Variants in UBR3 observed in about 807,000 individuals in gnomAD.
The protein encoded by UBR3 is E3 ubiquitin-protein ligase UBR3.
UBR3 carries 85 observed loss-of-function variants against 243.2 expected under a neutral mutation model. The ratio of observed to expected loss-of-function variants is 0.35; its 90% CI spans 0.29 to 0.42. The LOEUF is 0.42. Ranked by LOEUF, UBR3 falls within the 10% of genes least tolerant of loss-of-function variation. The probability of loss-of-function intolerance (pLI) is 1.00; values close to 1 mark genes in which losing one functional copy is unlikely to be tolerated. For missense variants in UBR3, 1,686 were observed against 2,300.8 expected, an observed-to-expected ratio of 0.73 and a Z score of 5.47; for synonymous variants, 748 against 799.8, an observed-to-expected ratio of 0.94 and a Z score of 1.09.
chr2:169,860,883 C>T (rs950325267), intron 1 of UBR3, among the ~76,000 whole-genome samples: 16 of 152,116 alleles, frequency 1.1e-4, no homozygotes, highest in Non-Finnish European at 2.1e-4. Context: ...CCCAAAACCT[C>T]GAAAGTAGAG....
rs775159008 is a variant in UBR3, at chr2:169,923,939, A to G, written c.1877A>G (p.Asn626Ser). Residue 626 changes from asparagine to serine, a missense_variant, in exon 12 of 39, where the codon AAC (asparagine) becomes AGC (serine). Transcript: ENST00000272793. ...GTTTGTTTATTCCAGCCAGCACCTA[A>G]CCAAGTCACTTTTCATCTGCCACTA... ...AINFVDEPAP[N>S]QVTFHLPLHR... The G allele has an allele frequency of 1.9e-6, 3 of 1,546,726 alleles. No individual in the cohort carries two copies. Among genetic ancestry groups the G allele is most frequent in the South Asian group, 1.2e-5 (1 of 82,416 alleles).
intron 24 of UBR3, among the ~76,000 whole-genome samples, chr2:169,970,235 G>GTTTTTTTT (rs531832498): frequency 2.3e-5 from 2 of 85,576 alleles, no homozygotes; most frequent in Non-Finnish European, 4.6e-5. Flanking sequence ...TTGTTCCTAG[G>GTTTTTTTT]TTTTTTTTTT....
At chr2:169,936,990 A>T (rs1437598043) in intron 19 of UBR3, among the ~76,000 whole-genome samples, 1 of 152,182 alleles carries the variant, frequency 6.6e-6, no homozygotes, top group Non-Finnish European at 1.5e-5. Flanking sequence ...ATACATGTGC[A>T]TGTGTCTTTA....
intron 26 of UBR3, 133 bp downstream of exon 26, chr2:169,994,589 G>A (rs2089414232): frequency 3.1e-6 from 3 of 954,148 alleles, no homozygotes; most frequent in South Asian, 1.8e-5. Context: ...AAATTAATAT[G>A]TGGATAGAAA....
intron 23 of UBR3, among the ~76,000 whole-genome samples, chr2:169,951,248 A>C (rs1456844968): frequency 6.6e-6 from 1 of 152,220 alleles, no homozygotes; most frequent in African/African-American, 2.4e-5. Flanking sequence ...TACATTATTT[A>C]GCAGTTTGAA....
At chr2:169,882,391 T>A (rs941722636) in intron 5 of UBR3, among the ~76,000 whole-genome samples, 17 of 141,974 alleles carry the variant, frequency 1.2e-4, no homozygotes, top group South Asian at 2.1e-4. Flanking sequence ...TATATAAAAA[T>A]ATATATATAT....
At chr2:169,893,720 C>T (rs775972730) in intron 6 of UBR3, among the ~76,000 whole-genome samples, 12 of 152,082 alleles carry the variant, frequency 7.9e-5, no homozygotes, top group Non-Finnish European at 1.8e-4. Context: ...TGCCACCCCA[C>T]CTGGCTGATT....
At chr2:169,848,437 T>G (rs1206923357) in intron 1 of UBR3, among the ~76,000 whole-genome samples, 1 of 151,700 alleles carries the variant, frequency 6.6e-6, no homozygotes, top group African/African-American at 2.4e-5. Context: ...ACAAATTACT[T>G]AGATGTTTAA....
At chr2:169,905,618 A>G (rs1017344353) in intron 9 of UBR3, among the ~76,000 whole-genome samples, 49 of 152,112 alleles carry the variant, frequency 3.2e-4, no homozygotes, top group African/African-American at 1.0e-3. Context: ...CAACCAATCC[A>G]TTTGCTTCAG....
intron 25 of UBR3, among the ~76,000 whole-genome samples, chr2:169,993,851 G>T (rs2105394001): frequency 6.6e-6 from 1 of 152,162 alleles, no homozygotes; most frequent in Non-Finnish European, 1.5e-5. Flanking sequence ...CAGAACTCCA[G>T]GTCTTTATAA....
At chr2:169,874,698 A>G (rs544328650) in intron 2 of UBR3, among the ~76,000 whole-genome samples, 1 of 152,328 alleles carries the variant, frequency 6.6e-6, no homozygotes, top group African/African-American at 2.4e-5. Context: ...ATATTACTAT[A>G]TAAGTCACTG....
intron 31 of UBR3, among the ~76,000 whole-genome samples, chr2:170,033,330 A>G (rs1040298764): frequency 4.6e-5 from 7 of 151,996 alleles, no homozygotes; most frequent in African/African-American, 1.4e-4. Flanking sequence ...ATATAATCTC[A>G]TTTAATCGTC....
Position 170,056,094 on chromosome 2 carries a change from G to A in UBR3, c.4785+510G>A, listed in dbSNP as rs549592532. Reference sequence around the variant, plus strand: ...ACAATCTCAGCTCACTGCAACCTCTGCCTCCTGGGTTCAAGCAATTCTCCT... The same window carrying A: ...ACAATCTCAGCTCACTGCAACCTCTACCTCCTGGGTTCAAGCAATTCTCCT... On this transcript the variant is annotated intron_variant, in intron 33 of 38. Transcript: ENST00000272793. Among the ~76,000 whole-genome samples, 18 of 138,352 alleles carry A rather than the reference G, an allele frequency of 1.3e-4. No individual in the cohort carries two copies. The East Asian group carries it at 4.0e-3, about 31-fold the overall frequency. 90.8% of individuals were successfully genotyped at this position (138,352 alleles called of 152,430 possible).
At position 169,827,972 on chromosome 2, in the gene UBR3, C is replaced by A; in HGVS notation, c.465C>A (p.Thr155=). 1.4e-6 allele frequency: 2 copies of A among 1,462,818 alleles called. No homozygotes were observed. Among genetic ancestry groups the A allele is most frequent in the South Asian group, 1.3e-5 (1 of 77,036 alleles). The allele number at this position is 1,462,818 out of a possible 1,614,324, so 90.6% of individuals were successfully genotyped here. A position where few individuals can be genotyped will look rare whatever the true frequency, so the allele number is the denominator to read the frequency against. The change falls in exon 1 of 39, where the codon ACC becomes ACA. Residue 155 remains threonine (T), a synonymous_variant. Coordinates refer to ENST00000272793, the MANE Select transcript of UBR3 (RefSeq NM_172070.4). ...AGTGCTTCCACCAGGGCGACCACAC[C>A]GGACACGACTTCAACATGTTCCGCA... is the stretch of plus-strand genomic sequence containing the variant. The part of the protein sequence containing the change: ...CAECFHQGDH[T]GHDFNMFRSQ...
chr2:170,015,473 A>C, intron 30 of UBR3, 107 bp downstream of exon 30: 1 of 730,688 alleles, frequency 1.4e-6, no homozygotes, highest in South Asian at 1.9e-5. Context: ...GTTATATATG[A>C]TCTATTTAGA....
Position 170,053,127 on chromosome 2 carries a change from C to T in UBR3, c.4661-2333C>T, listed in dbSNP as rs546315687. 2.0e-5 allele frequency among the ~76,000 whole-genome samples: 3 copies of T among 152,294 alleles called. No homozygotes were observed. In the East Asian group the frequency reaches 5.8e-4, roughly 29 times the overall value. On this transcript the variant is annotated intron_variant, in intron 32 of 38. Coordinates refer to ENST00000272793, the MANE Select transcript of UBR3 (RefSeq NM_172070.4). Reference sequence around the variant, plus strand: ...GGCCTGACTGCTGTCCTTTGAAAGGCCTGCTTGCAAGGTTAGGCCTTGACT... The same window carrying T: ...GGCCTGACTGCTGTCCTTTGAAAGGTCTGCTTGCAAGGTTAGGCCTTGACT...
intron 32 of UBR3, among the ~76,000 whole-genome samples, chr2:170,041,677 A>G (rs72876425): frequency 0.11 from 17,004 of 152,192 alleles, 1,201 homozygotes; most frequent in Admixed American, 0.19. Context: ...TTAGAAAACT[A>G]GTTTTTATTT....
At chr2:169,991,186 C>T (rs949071874) in intron 25 of UBR3, among the ~76,000 whole-genome samples, 2 of 152,074 alleles carry the variant, frequency 1.3e-5, no homozygotes, top group Non-Finnish European at 2.9e-5. Context: ...CTCCAAACAA[C>T]AGAGCCCCCA....
chr2:169,845,291 C>T (rs1049943246), intron 1 of UBR3, among the ~76,000 whole-genome samples: 2 of 151,510 alleles, frequency 1.3e-5, no homozygotes, highest in Admixed American at 6.6e-5. Context: ...GGCATGGTGG[C>T]GTGTGCCTGT....
Sources: allele counts gnomAD v4.1 joint callset (sites outside exome capture counted in the v4.1 genomes callset), GRCh38; gene constraint gnomAD v4.1.1; transcripts MANE v1.5; gene names NCBI Gene and HGNC (gene_info 2026-07-23, HGNC 2026-07-21).